EXOC4: variants seen among roughly 807,000 people sequenced by gnomAD.
EXOC4 encodes the protein SEC8-like 1.
In EXOC4, 71 loss-of-function variants were observed where a neutral mutation model predicts 107.2. The observed-to-expected ratio is 0.66, with a 90% CI of 0.55 to 0.81. The LOEUF is 0.81. EXOC4 is among the 30% of genes least tolerant of loss of function. The probability of loss-of-function intolerance (pLI) is 0.00; values close to 1 mark genes in which losing one functional copy is unlikely to be tolerated. For synonymous variants in EXOC4, 456 were observed against 441.2 expected, an observed-to-expected ratio of 1.03 and a Z score of -0.42; for missense variants, 1,108 against 1,189.6, an observed-to-expected ratio of 0.93 and a Z score of 1.01.
rs139051894 is a variant in EXOC4, at chr7:133,691,215, G to T, written c.1514+61074G>T. On this transcript the variant is annotated intron_variant, in intron 10 of 17. Transcript: ENST00000253861. Reference sequence around the variant, plus strand: ...GATATATGAGAAATATGAAACTAATGAAATGATGGCTCAAAAAGTCAGAAG... The same window carrying T: ...GATATATGAGAAATATGAAACTAATTAAATGATGGCTCAAAAAGTCAGAAG... Among the ~76,000 whole-genome samples the T allele has an allele frequency of 4.8e-3, 738 of 152,290 alleles. 3 individuals are homozygous for T. Among genetic ancestry groups the T allele is most frequent in the Middle Eastern group, 0.017 (5 of 294 alleles).
At chr7:133,377,682 A>G (rs1796520010) in intron 7 of EXOC4, among the ~76,000 whole-genome samples, 1 of 152,206 alleles carries the variant, frequency 6.6e-6, no homozygotes, top group Non-Finnish European at 1.5e-5. Context: ...AAGAAACGTA[A>G]CAAATCCCAA....
At chr7:133,256,903 A>G (rs1417672817) in intron 1 of EXOC4, among the ~76,000 whole-genome samples, 1 of 152,256 alleles carries the variant, frequency 6.6e-6, no homozygotes, top group South Asian at 2.1e-4. Context: ...CTATTTTGCT[A>G]GTATAAAGTA....
chr7:133,744,346 T>A (rs1309857335), intron 10 of EXOC4, among the ~76,000 whole-genome samples: 1 of 152,142 alleles, frequency 6.6e-6, no homozygotes, highest in Non-Finnish European at 1.5e-5. Context: ...CTAAGTTTGT[T>A]AATCAAAAGT....
intron 12 of EXOC4, among the ~76,000 whole-genome samples, chr7:133,913,525 T>C (rs979132554): frequency 1.3e-5 from 2 of 152,114 alleles, no homozygotes; most frequent in Non-Finnish European, 2.9e-5. Flanking sequence ...TATTAAGATA[T>C]TAAGGAGATA....
chr7:134,080,359 G>A, the EXOC4 span, among the ~76,000 whole-genome samples: 2 of 152,146 alleles, frequency 1.3e-5, no homozygotes, highest in Non-Finnish European at 2.9e-5. Context: ...TGGGGACTTG[G>A]GGAGATAAGG....
chr7:133,947,826 T>C (rs558087681), intron 14 of EXOC4, among the ~76,000 whole-genome samples: 65 of 152,314 alleles, frequency 4.3e-4, no homozygotes, highest in Non-Finnish European at 8.7e-4. Context: ...AATATGATAA[T>C]ATCATGGATG....
chr7:134,069,770 C>A (rs992005141), downstream of EXOC4, among the ~76,000 whole-genome samples: 1 of 152,306 alleles, frequency 6.6e-6, no homozygotes, highest in East Asian at 1.9e-4. Flanking sequence ...CCACACCTGG[C>A]CCCTTTACCA....
In EXOC4 at chr7:133,490,904, CTTA is replaced by C. The variant is rs755941889; in HGVS notation, c.1417+10771_1417+10773del. Among the ~76,000 whole-genome samples, 311 of 152,284 alleles carry C rather than the reference CTTA, an allele frequency of 2.0e-3. No individual in the cohort carries two copies. In the Middle Eastern group the frequency reaches 0.031, roughly 15 times the overall value. On this transcript the variant is annotated intron_variant, in intron 9 of 17. Transcript: ENST00000253861. ...AAAAAATAACTTTGTTTTAAATGCA[CTTA>C]TTATAGCATATTATATTAGACTCTG...
intron 7 of EXOC4, chr7:133,396,203 G>T (rs757410926): frequency 2.0e-5 from 3 of 152,148 alleles, no homozygotes; most frequent in East Asian, 1.9e-4. Flanking sequence ...TTTCTGATAT[G>T]CAGGAGAACC....
intron 5 of EXOC4, among the ~76,000 whole-genome samples, chr7:133,319,712 C>G (rs1313968064): frequency 6.6e-6 from 1 of 152,046 alleles, no homozygotes; most frequent in Non-Finnish European, 1.5e-5. Context: ...AACTCCTGAC[C>G]TCAGGTAATT....
intron 14 of EXOC4, among the ~76,000 whole-genome samples, chr7:133,960,357 A>G (rs1800913968): frequency 6.6e-6 from 1 of 152,184 alleles, no homozygotes; most frequent in African/African-American, 2.4e-5. Context: ...GGTGATAGAT[A>G]CTGGCTTCAT....
intron 9 of EXOC4, among the ~76,000 whole-genome samples, chr7:133,501,128 T>C (rs1252968628): frequency 3.3e-5 from 5 of 152,214 alleles, no homozygotes; most frequent in Non-Finnish European, 5.9e-5. Context: ...TTACTAAAAC[T>C]ACTCATACTC....
At position 133,537,966 on chromosome 7, in the gene EXOC4, G is replaced by T. The variant is rs114143736; in HGVS notation, c.1417+57828G>T. The stretch of plus-strand genomic sequence containing the variant: ...TATAAATAAATGTTTCCTTTCTTTA[G>T]TAGGAACAACTACAAGAGCTTTCCC... On this transcript the variant is annotated intron_variant, in intron 9 of 17. Coordinates refer to ENST00000253861, the MANE Select transcript of EXOC4 (RefSeq NM_021807.4). Among the ~76,000 whole-genome samples, 864 of 152,074 alleles carry T rather than the reference G, an allele frequency of 5.7e-3. 9 individuals carry two copies. The highest frequency in any genetic ancestry group is 0.019 in the African/African-American group (804 of 41,472).
intron 5 of EXOC4, among the ~76,000 whole-genome samples, chr7:133,322,626 T>C (rs1211949882): frequency 6.6e-6 from 1 of 152,234 alleles, no homozygotes; most frequent in Non-Finnish European, 1.5e-5. Flanking sequence ...TGTCGCCTTC[T>C]AGTATAGTTT....
chr7:133,940,856 G>A (rs1013109946), intron 14 of EXOC4, among the ~76,000 whole-genome samples: 1 of 151,856 alleles, frequency 6.6e-6, no homozygotes, highest in African/African-American at 2.4e-5. Flanking sequence ...AGAACATGAG[G>A]AAAATGCTCA....
intron 9 of EXOC4, among the ~76,000 whole-genome samples, chr7:133,603,914 A>G (rs1208634547): frequency 6.6e-6 from 1 of 152,196 alleles, no homozygotes; most frequent in Admixed American, 6.5e-5. Flanking sequence ...TACTCTTGTA[A>G]TAACACAGCT....
intron 10 of EXOC4, among the ~76,000 whole-genome samples, chr7:133,705,322 A>G (rs1299925311): frequency 3.3e-5 from 5 of 152,202 alleles, no homozygotes; most frequent in Non-Finnish European, 1.5e-5. Context: ...AGCTGAGATC[A>G]TGCTGCTGCA....
chr7:134,100,941 TAA>T, the EXOC4 span, among the ~76,000 whole-genome samples: 10 of 114,390 alleles, frequency 8.7e-5, no homozygotes, highest in Non-Finnish European at 1.1e-4. Flanking sequence ...AGACTCCATC[TAA>T]AAAAAAAAAA....
At position 133,614,812 on chromosome 7, in the gene EXOC4, AAAAAG is replaced by A. The variant is rs1327533336; in HGVS notation, c.1418-15231_1418-15227del. On this transcript the variant is annotated intron_variant, in intron 9 of 17. Coordinates refer to ENST00000253861, the MANE Select transcript of EXOC4 (RefSeq NM_021807.4). Reference sequence around the variant, plus strand: ...GGCAAAAAAAAAAAAAAAAAAAAAAAAAAAGATGGTGGTTGTGAAGGGTTTCAAGA... The same window carrying A: ...GGCAAAAAAAAAAAAAAAAAAAAAAAATGGTGGTTGTGAAGGGTTTCAAGA... 1.6e-3 allele frequency among the ~76,000 whole-genome samples: 232 copies of A among 149,078 alleles called. 1 individual carries two copies. Among genetic ancestry groups the A allele is most frequent in the African/African-American group, 5.4e-3 (214 of 39,760 alleles).
Sources: allele counts gnomAD v4.1 joint callset (sites outside exome capture counted in the v4.1 genomes callset), GRCh38; gene constraint gnomAD v4.1.1; transcripts MANE v1.5; gene names NCBI Gene and HGNC (gene_info 2026-07-23, HGNC 2026-07-21).